The following OXCT1 variants were observed in gnomAD, a reference collection of about 807,000 sequenced individuals.
The protein encoded by OXCT1 is succinyl-CoA:3-ketoacid coenzyme A transferase 1, mitochondrial.
OXCT1 carries 27 observed loss-of-function variants against 69.6 expected under a neutral mutation model. That is an observed-to-expected ratio of 0.39 (90% CI 0.29 to 0.54). OXCT1 has a LOEUF of 0.54. Among genes scored for constraint, OXCT1 ranks in the 20% least tolerant of loss-of-function variants. The pLI, the probability that OXCT1 is intolerant of heterozygous loss-of-function variation, is 0.72. For missense variants in OXCT1, 437 were observed against 650.2 expected (o/e 0.67, Z 3.57); for synonymous variants, 202 against 217.8 (o/e 0.93, Z 0.64).
chr5:41,848,460 G>A (rs1487440061), intron 5 of OXCT1, among the ~76,000 whole-genome samples: 1 of 147,006 alleles, frequency 6.8e-6, no homozygotes, highest in African/African-American at 2.5e-5. Flanking sequence ...AACCAAAAAA[G>A]AGCCCGCATC....
intron 13 of OXCT1, among the ~76,000 whole-genome samples, chr5:41,764,848 G>A (rs1185673380): frequency 6.6e-6 from 1 of 152,150 alleles, no homozygotes; most frequent in East Asian, 1.9e-4. Context: ...ATTCACACAA[G>A]TAGCCCATTA....
At chr5:41,787,747 T>A (rs1745715331) in intron 13 of OXCT1, among the ~76,000 whole-genome samples, 1 of 148,186 alleles carries the variant, frequency 6.7e-6, no homozygotes, top group African/African-American at 2.5e-5. Flanking sequence ...TCAGGCAGAG[T>A]CCTCCGAAGA....
chr5:41,749,713 A>G lies in OXCT1; in HGVS notation c.1339-106T>C, dbSNP rs1003862826. The G allele has an allele frequency of 2.1e-5, 16 of 748,748 alleles. 1 individual carries two copies. The South Asian group carries it at 2.3e-4, about 11-fold the overall frequency. The allele number at this position is 748,748 out of a possible 1,614,324, so 46.4% of individuals were successfully genotyped here. On this transcript the variant is annotated intron_variant, in intron 14 of 16. Transcript: ENST00000196371. ...AAACTATCAGAGAAATTGTCTCCTA[A>G]GTAAAGACTCTTTCAGAATTTTTGC... is the stretch of plus-strand genomic sequence containing the variant.
chr5:41,839,323 A>C (rs1247986607), intron 7 of OXCT1, among the ~76,000 whole-genome samples: 1 of 152,264 alleles, frequency 6.6e-6, no homozygotes, highest in Non-Finnish European at 1.5e-5. Context: ...ACAGTTTTAC[A>C]GAAATACAGG....
intron 13 of OXCT1, among the ~76,000 whole-genome samples, chr5:41,776,823 C>CCTAT (rs1269848015): frequency 6.6e-6 from 1 of 152,050 alleles, no homozygotes; most frequent in African/African-American, 2.4e-5. Flanking sequence ...TGTTGATAAG[C>CCTAT]CTATCTTGCT....
At chr5:41,853,283 G>A in intron 4 of OXCT1, 136 bp downstream of exon 4, 1 of 721,534 alleles carries the variant, frequency 1.4e-6, no homozygotes, top group East Asian at 2.7e-5. Context: ...ACAGGTGTGA[G>A]TTAGAAACAA....
intron 6 of OXCT1, among the ~76,000 whole-genome samples, 170 bp from the exon 7 acceptor site, chr5:41,840,681 A>G (rs544845014): frequency 2.6e-4 from 40 of 152,324 alleles, no homozygotes; most frequent in Non-Finnish European, 5.4e-4. Flanking sequence ...ATATCTCATA[A>G]ATTTTAAAAA....
Position 41,848,541 on chromosome 5 carries a change from A to T in OXCT1, c.564+1489T>A, listed in dbSNP as rs987557205. ...CTACCTGACTTCAAACTATACTACA[A>T]GGCTACAGTAACCAAAACAGCATGG... On this transcript the variant is annotated intron_variant, in intron 5 of 16. Transcript: ENST00000196371. 1.4e-5 allele frequency among the ~76,000 whole-genome samples: 2 copies of T among 145,694 alleles called. 1 individual carries two copies. Among genetic ancestry groups the T allele is most frequent in the Non-Finnish European group, 3.1e-5 (2 of 65,032 alleles).
chr5:41,853,145 T>G (rs886501400), intron 4 of OXCT1, among the ~76,000 whole-genome samples: 11 of 152,238 alleles, frequency 7.2e-5, no homozygotes, highest in Admixed American at 7.2e-4. Flanking sequence ...CAAATCCTTT[T>G]GTATGCTTCT....
intron 11 of OXCT1, among the ~76,000 whole-genome samples, chr5:41,799,800 T>G (rs1315891310): frequency 6.6e-6 from 1 of 152,200 alleles, no homozygotes; most frequent in African/African-American, 2.4e-5. Flanking sequence ...TCGTGTTATC[T>G]AATTCAACTA....
At chr5:41,755,969 T>C (rs1056213687) in intron 14 of OXCT1, among the ~76,000 whole-genome samples, 1 of 152,060 alleles carries the variant, frequency 6.6e-6, no homozygotes, top group Non-Finnish European at 1.5e-5. Flanking sequence ...ACAGTTTATA[T>C]GACAAAGGCA....
intron 14 of OXCT1, among the ~76,000 whole-genome samples, chr5:41,750,747 A>G (rs971242570): frequency 1.3e-5 from 2 of 152,090 alleles, no homozygotes; most frequent in Non-Finnish European, 2.9e-5. Context: ...CTCCATTAAG[A>G]TTTCATTCCT....
At chr5:41,811,106 A>C (rs1746964714) in intron 7 of OXCT1, among the ~76,000 whole-genome samples, 1 of 150,706 alleles carries the variant, frequency 6.6e-6, no homozygotes, top group Admixed American at 6.6e-5. Flanking sequence ...CAGCTGTGGA[A>C]GTCTAGAAAA....
intron 13 of OXCT1, among the ~76,000 whole-genome samples, chr5:41,768,468 A>G (rs564085131): frequency 2.6e-5 from 4 of 152,188 alleles, no homozygotes; most frequent in Non-Finnish European, 5.9e-5. Context: ...CCTCAGCTCA[A>G]TATGATCCAA....
chr5:41,845,365 G>T (rs944005953), intron 5 of OXCT1, among the ~76,000 whole-genome samples: 1 of 152,128 alleles, frequency 6.6e-6, no homozygotes, highest in African/African-American at 2.4e-5. Context: ...AATTCTCTTT[G>T]CTGTTAATCT....
At chr5:41,757,300 C>T (rs556585099) in intron 14 of OXCT1, among the ~76,000 whole-genome samples, 1 of 152,160 alleles carries the variant, frequency 6.6e-6, no homozygotes, top group East Asian at 1.9e-4. Context: ...TCCTGCAACA[C>T]TTAATCCCTG....
chr5:41,866,805 G>A (rs1381694722), intron 1 of OXCT1, among the ~76,000 whole-genome samples: 1 of 152,224 alleles, frequency 6.6e-6, no homozygotes, highest in African/African-American at 2.4e-5. Flanking sequence ...GGGATACTCA[G>A]TGCTCCGAAG....
chr5:41,775,278 C>A (rs906996019), intron 13 of OXCT1, among the ~76,000 whole-genome samples: 1 of 152,176 alleles, frequency 6.6e-6, no homozygotes, highest in Admixed American at 6.5e-5. Context: ...CCACCAGTAC[C>A]TCTGACGAAC....
chr5:41,769,119 A>G (rs1480772750), intron 13 of OXCT1, among the ~76,000 whole-genome samples: 2 of 152,080 alleles, frequency 1.3e-5, no homozygotes, highest in African/African-American at 2.4e-5. Flanking sequence ...TATTTTAGGA[A>G]CCTCTCACAG....
Sources: gnomAD v4.1 joint callset for allele counts (sites outside exome capture counted in the v4.1 genomes callset) on GRCh38, gnomAD v4.1.1 for gene constraint, MANE v1.5 for transcripts, NCBI Gene and HGNC (gene_info 2026-07-23, HGNC 2026-07-21) for gene names.